WDR27: variants seen among roughly 807,000 people sequenced by gnomAD.
WDR27 encodes the protein WD repeat domain 27.
In WDR27, 100 loss-of-function variants were observed where a neutral mutation model predicts 114.4. The observed-to-expected ratio is 0.87, with a 90% CI of 0.74 to 1.03. The LOEUF (loss-of-function observed/expected upper bound fraction) is 1.03. WDR27 is among the 50% of genes least tolerant of loss of function. WDR27 has a pLI of 0.00. For missense variants in WDR27, 1,129 were observed against 1,092.9 expected, an observed-to-expected ratio of 1.03 and a Z score of -0.47; for synonymous variants, 449 against 423.1, an observed-to-expected ratio of 1.06 and a Z score of -0.75.
chr6:169,462,495 A>G (rs1163830191), intron 25 of WDR27, among the ~76,000 whole-genome samples: 1 of 150,926 alleles, frequency 6.6e-6, no homozygotes, highest in Non-Finnish European at 1.5e-5. Context: ...AGAGAGAGAA[A>G]GAAAGAAAGA....
intron 8 of WDR27, among the ~76,000 whole-genome samples, chr6:169,662,911 T>C (rs199866216): frequency 1.7e-3 from 237 of 142,986 alleles, no homozygotes; most frequent in East Asian, 7.5e-3. Context: ...ACACCCAGCA[T>C]GATGCGTGTG....
Position 169,636,423 on chromosome 6 carries a change from C to T in WDR27, c.1951G>A (p.Glu651Lys), listed in dbSNP as rs1431303996. Reference sequence around the variant, plus strand: ...ATGTGATACCTCAGTAGCTGAAATTCAGGGCCAGAAGATAACAATATAAAG... The same window carrying T: ...ATGTGATACCTCAGTAGCTGAAATTTAGGGCCAGAAGATAACAATATAAAG... ...DAFILLSSGP[E>K]FQLLRYHIDT... is the part of the protein sequence containing the mutation. Residue 651 changes from glutamate to lysine, a missense_variant, in exon 19 of 26, where the codon GAA (glutamate) becomes AAA (lysine). Coordinates refer to ENST00000448612, the MANE Select transcript of WDR27 (RefSeq NM_182552.5). 6 of 1,613,846 alleles carry T rather than the reference C, an allele frequency of 3.7e-6. No homozygotes were observed. In the Admixed American group the frequency reaches 1.0e-4, roughly 27 times the overall value.
At chr6:169,647,500 G>C in intron 16 of WDR27, 1 of 537,024 alleles carries the variant, frequency 1.9e-6, no homozygotes, top group Non-Finnish European at 3.3e-6. Context: ...CCCCGGAGGA[G>C]CTGGACACAG....
intron 25 of WDR27, among the ~76,000 whole-genome samples, chr6:169,486,887 AAGG>A (rs1474343284): frequency 6.6e-6 from 1 of 152,220 alleles, no homozygotes; most frequent in Non-Finnish European, 1.5e-5. Flanking sequence ...AAGTTTGCAA[AAGG>A]AGGAGTAAAT....
intron 22 of WDR27, among the ~76,000 whole-genome samples, chr6:169,609,968 G>A (rs551914366): frequency 6.6e-6 from 1 of 152,176 alleles, no homozygotes; most frequent in African/African-American, 2.4e-5. Context: ...CAAATCTCTA[G>A]GGCAGGGGCA....
At chr6:169,682,009 C>T (rs1781652030) in intron 2 of WDR27, among the ~76,000 whole-genome samples, 1 of 152,136 alleles carries the variant, frequency 6.6e-6, no homozygotes. Flanking sequence ...GGAACTATCT[C>T]ATCTCTGCAG....
intron 22 of WDR27, among the ~76,000 whole-genome samples, chr6:169,609,310 C>G (rs1485801128): frequency 6.6e-6 from 1 of 152,174 alleles, no homozygotes; most frequent in Admixed American, 6.5e-5. Flanking sequence ...CCCCACAATT[C>G]CCCTTTGCAC....
At chr6:169,639,635 G>A (rs1473905070) in intron 17 of WDR27, among the ~76,000 whole-genome samples, 1 of 152,172 alleles carries the variant, frequency 6.6e-6, no homozygotes, top group East Asian at 1.9e-4. Context: ...GTGCTGCTCT[G>A]ATATTAAACT....
chr6:169,471,592 G>A (rs1200212663), intron 25 of WDR27, among the ~76,000 whole-genome samples: 1 of 152,164 alleles, frequency 6.6e-6, no homozygotes, highest in Non-Finnish European at 1.5e-5. Context: ...GGTGTCCATA[G>A]AAAAGAACCA....
chr6:169,524,262 C>T (rs1270872647), intron 25 of WDR27, among the ~76,000 whole-genome samples: 1 of 151,950 alleles, frequency 6.6e-6, no homozygotes, highest in African/African-American at 2.4e-5. Context: ...AAATATAAAA[C>T]AATGATGAAA....
chr6:169,531,148 C>T (rs1023727557), intron 25 of WDR27, among the ~76,000 whole-genome samples: 1 of 152,202 alleles, frequency 6.6e-6, no homozygotes, highest in Admixed American at 6.5e-5. Flanking sequence ...ATATGGATTA[C>T]ATTTTGTACA....
At chr6:169,583,830 G>A (rs6916793) in intron 23 of WDR27, among the ~76,000 whole-genome samples, 135,787 of 152,026 alleles carry the variant, frequency 0.89, 61,237 homozygotes, top group East Asian at 0.99. Flanking sequence ...TGGGATCCAT[G>A]CCTACAGATA....
chr6:169,481,501 C>T (rs957315936), intron 25 of WDR27, among the ~76,000 whole-genome samples: 3 of 152,214 alleles, frequency 2.0e-5, no homozygotes, highest in Non-Finnish European at 4.4e-5. Context: ...CGCAATAAAT[C>T]TTGCTGCTGC....
chr6:169,509,208 C>T (rs149503027), intron 25 of WDR27, among the ~76,000 whole-genome samples: 20 of 152,214 alleles, frequency 1.3e-4, no homozygotes, highest in African/African-American at 2.9e-4. Context: ...CACTGCCCAA[C>T]GTAATTTATA....
At chr6:169,484,800 C>A (rs759346770) in intron 25 of WDR27, among the ~76,000 whole-genome samples, 2 of 151,844 alleles carry the variant, frequency 1.3e-5, no homozygotes, top group Non-Finnish European at 2.9e-5. Flanking sequence ...AGCCCTATAC[C>A]TATACTGGTA....
At chr6:169,646,083 G>A (rs1488992967) in intron 16 of WDR27, among the ~76,000 whole-genome samples, 6 of 152,238 alleles carry the variant, frequency 3.9e-5, no homozygotes, top group Non-Finnish European at 7.3e-5. Context: ...CCACAGGCAA[G>A]AGTAGAACTT....
In WDR27 at chr6:169,658,332, A is replaced by G. The variant is rs544443444; in HGVS notation, c.1346T>C (p.Leu449Pro). ...ASSCVLPTSP[L>P]YLGIAKEKST... Reference sequence around the variant, plus strand: ...CTTCTCCTTGGCAATTCCCAGATACAGTGGAGAGGTCGGTAGGACACAGGA... The same window carrying G: ...CTTCTCCTTGGCAATTCCCAGATACGGTGGAGAGGTCGGTAGGACACAGGA... Residue 449 changes from leucine to proline, a missense_variant, in exon 13 of 26, where the codon CTG (leucine) becomes CCG (proline). Physicochemically the swap from Leu to Pro is moderately conservative, Grantham distance 98. Transcript: ENST00000448612. The G allele has an allele frequency of 3.1e-6, 5 of 1,600,098 alleles. No homozygotes were observed. The highest frequency in any genetic ancestry group is 2.6e-6 in the Non-Finnish European group (3 of 1,173,620).
chr6:169,457,078 C>T (rs565517456), downstream of WDR27: 99 of 162,760 alleles, frequency 6.1e-4, no homozygotes, highest in Middle Eastern at 2.9e-3. Context: ...AGGCCAGGCT[C>T]ACCACGCAGA....
chr6:169,564,578 C>T (rs879363382), intron 25 of WDR27, among the ~76,000 whole-genome samples: 1 of 152,224 alleles, frequency 6.6e-6, no homozygotes, highest in Non-Finnish European at 1.5e-5. Context: ...GGCTGACCAC[C>T]CTCCACATTT....
Sources: gnomAD v4.1 joint callset for allele counts (sites outside exome capture counted in the v4.1 genomes callset) on GRCh38, gnomAD v4.1.1 for gene constraint, MANE v1.5 for transcripts, NCBI Gene and HGNC (gene_info 2026-07-23, HGNC 2026-07-21) for gene names.